The following PNMA8A variants were observed in gnomAD, a reference collection of about 807,000 sequenced individuals.
PNMA8A encodes the protein PNMA family member 8A.
Under a neutral mutation model 26.6 loss-of-function variants are expected in PNMA8A, and 17 were observed. The ratio of observed to expected loss-of-function variants is 0.64; its 90% confidence interval spans 0.44 to 0.96. The LOEUF is 0.96. PNMA8A is among the 40% of genes least tolerant of loss of function. PNMA8A has a pLI of 0.00. For missense variants in PNMA8A, 532 were observed against 488.4 expected (o/e 1.09, Z -0.84); for synonymous variants, 224 against 182.0 (o/e 1.23, Z -1.86).
rs1479027099 is a variant in PNMA8A, at chr19:46,470,782, T to C, written c.254A>G (p.Glu85Gly). 1.3e-5 allele frequency: 10 copies of C among 784,620 alleles called. No homozygotes were observed. The highest frequency in any genetic ancestry group is 8.5e-5 in the Admixed American group (5 of 59,012). The allele number at this position is 784,620 out of a possible 1,614,324, so 48.6% of individuals were successfully genotyped here. ...CCAGACACCACCCCTTCCTGGGAAT[T>C]CACGGGGGATGGTGCTCAGATTCAC... ...EGVNLSTIPREFPGRGGVWRV... is the reference protein window; with the variant it reads ...EGVNLSTIPRGFPGRGGVWRV... The change falls in exon 2 of 3, where the codon GAA (glutamate) becomes GGA (glycine). Residue 85 changes from glutamate (E) to glycine (G), a missense_variant. Coordinates refer to ENST00000313683, the MANE Select transcript of PNMA8A (RefSeq NM_018215.4).
chr19:46,471,254 T>C, intron 1 of PNMA8A, 83 bp downstream of exon 1: 1 of 481,766 alleles, frequency 2.1e-6, no homozygotes, highest in Non-Finnish European at 3.7e-6. Context: ...GCCCCGGTGC[T>C]CACACGTGTC....
rs1383544508 is a variant in PNMA8A at position 46,469,834 on chromosome 19, T to A, written c.1202A>T (p.Asp401Val). The A allele has an allele frequency of 6.2e-7, 1 of 1,614,254 alleles. No homozygotes were observed. Among genetic ancestry groups the A allele is most frequent in the Non-Finnish European group, 8.5e-7 (1 of 1,180,042 alleles). ...CTGCTGGCCCCGAGGGGCCTTCTGA[T>A]CTGATGCCTCCCTTCTTGAGCCTGG... ...KGPGSRREASDQKAPRGQQPA... is the reference protein window; with the variant it reads ...KGPGSRREASVQKAPRGQQPA... Residue 401 changes from aspartate (D) to valine (V), a missense_variant, in exon 2 of 3, where the codon GAT becomes GTT. Asp to Val is a radical substitution (Grantham distance 152). Coordinates refer to ENST00000313683, the MANE Select transcript of PNMA8A (RefSeq NM_018215.4).
Position 46,470,663 on chromosome 19 carries a change from C to G in PNMA8A, c.373G>C (p.Val125Leu). 2 of 1,404,138 alleles carry G rather than the reference C, an allele frequency of 1.4e-6. No homozygotes were observed. Among genetic ancestry groups the G allele is most frequent in the Non-Finnish European group, 2.0e-6 (2 of 988,130 alleles). 87.0% of individuals were successfully genotyped at this position (1,404,138 alleles called of 1,614,324 possible). ...GGGTGGTTGAGCTGGAGCAGGCGGA[C>G]CACATCCTCCCAGGTGCGCCCCTCG... ...DAEGRTWEDV[V>L]RLLQLNHPTL... The change falls in exon 2 of 3, where the codon GTC becomes CTC. Residue 125 changes from valine (V) to leucine (L), a missense_variant. Physicochemically the swap from Val to Leu is conservative, Grantham distance 32 (BLOSUM62 1). Coordinates refer to ENST00000313683, the MANE Select transcript of PNMA8A (RefSeq NM_018215.4).
rs1969729587 is a variant in PNMA8A, at chr19:46,467,872, C to G, written c.*689G>C. On this transcript the variant is annotated 3_prime_UTR_variant, in exon 3 of 3. Coordinates refer to ENST00000313683, the MANE Select transcript of PNMA8A (RefSeq NM_018215.4). ...TGCGTCCTTCCCTATAATCACCCCC[C>G]TTCCCCACAGGATTCCTGAGAGGGC... 6.6e-6 allele frequency: 1 copy of G among 152,288 alleles called. No homozygotes were observed. The highest frequency in any genetic ancestry group is 2.4e-5 in the African/African-American group (1 of 41,470). 9.4% of individuals were successfully genotyped at this position (152,288 alleles called of 1,614,324 possible).
rs1446086456 is a variant in PNMA8A at position 46,470,147 on chromosome 19, T to A, written c.889A>T (p.Asn297Tyr). 2 of 1,613,030 alleles carry A rather than the reference T, an allele frequency of 1.2e-6. No homozygotes were observed. The highest frequency in any genetic ancestry group is 2.2e-5 in the East Asian group (1 of 44,856). ...PIKGSRKPCV[N>Y]KEELALKKPM... ...TTCTTCAAAGCCAACTCCTCCTTATTCACACAGGGCTTTCTGCTGCCCTTG... is the reference window on the plus strand; with the variant it reads ...TTCTTCAAAGCCAACTCCTCCTTATACACACAGGGCTTTCTGCTGCCCTTG... Residue 297 changes from asparagine to tyrosine, a missense_variant, in exon 2 of 3, where the codon AAT (asparagine) becomes TAT (tyrosine). Transcript: ENST00000313683.
rs1322022492 is a variant in PNMA8A at position 46,470,792 on chromosome 19, T to C, written c.244A>G (p.Ile82Val). 3.8e-6 allele frequency: 3 copies of C among 783,406 alleles called. No homozygotes were observed. Among genetic ancestry groups the C allele is most frequent in the African/African-American group, 3.4e-5 (2 of 59,194 alleles). 48.5% of individuals were successfully genotyped at this position (783,406 alleles called of 1,614,324 possible). ...CCCCTTCCTGGGAATTCACGGGGGA[T>C]GGTGCTCAGATTCACACCTTCACCA... ...EVGEGVNLST[I>V]PREFPGRGGV... The change falls in exon 2 of 3, where the codon ATC (isoleucine) becomes GTC (valine). Residue 82 changes from isoleucine to valine, a missense_variant. Physicochemically the swap from Ile to Val is conservative, Grantham distance 29 (BLOSUM62 3). Transcript: ENST00000313683.
At position 46,468,310 on chromosome 19, in the gene PNMA8A, C is replaced by A; in HGVS notation, c.*251G>T. 2.0e-6 allele frequency: 1 copy of A among 488,144 alleles called. No individual in the cohort carries two copies. Among genetic ancestry groups the A allele is most frequent in the South Asian group, 4.7e-5 (1 of 21,358 alleles). 30.2% of individuals were successfully genotyped at this position (488,144 alleles called of 1,614,324 possible). A position where few individuals can be genotyped will look rare whatever the true frequency, so the allele number is the denominator to read the frequency against. On this transcript the variant is annotated 3_prime_UTR_variant, in exon 3 of 3. Coordinates refer to ENST00000313683, the MANE Select transcript of PNMA8A (RefSeq NM_018215.4). ...CCCAATCCTCTTACCAACTCTCCTG[C>A]CTCCGAAGAGAAGGTGAGTAGAGAA...
chr19:46,470,173 A>T lies in PNMA8A; in HGVS notation c.863T>A (p.Ile288Asn). Residue 288 changes from isoleucine to asparagine, a missense_variant, in exon 2 of 3, where the codon ATC becomes AAC. Physicochemically the swap from Ile to Asn is moderately radical, Grantham distance 149 (BLOSUM62 -3). Transcript: ENST00000313683. ...DAESMAISEP[I>N]KGSRKPCVNK... ...CACACAGGGCTTTCTGCTGCCCTTGATCGGCTCTGAGATCGCCATGCTTTC... is the reference window on the plus strand; with the variant it reads ...CACACAGGGCTTTCTGCTGCCCTTGTTCGGCTCTGAGATCGCCATGCTTTC... 1.2e-6 allele frequency: 2 copies of T among 1,614,142 alleles called. No homozygotes were observed. Among genetic ancestry groups the T allele is most frequent in the Non-Finnish European group, 1.7e-6 (2 of 1,180,032 alleles).
chr19:46,467,071 T>C lies in PNMA8A; in HGVS notation c.*1490A>G, dbSNP rs953897736. The C allele has an allele frequency of 5.9e-5, 9 of 152,146 alleles. No individual in the cohort carries two copies. The highest frequency in any genetic ancestry group is 1.0e-4 in the Non-Finnish European group (7 of 68,030). 9.4% of individuals were successfully genotyped at this position (152,146 alleles called of 1,614,324 possible). A position where few individuals can be genotyped will look rare whatever the true frequency, so the allele number is the denominator to read the frequency against. The stretch of plus-strand genomic sequence containing the variant: ...TTCCACTTCTAACCTCGCTCATCAG[T>C]CACATTTACAAGAAACTCAATTTTA... On this transcript the variant is annotated 3_prime_UTR_variant, in exon 3 of 3. Transcript: ENST00000313683.
In PNMA8A at chr19:46,470,872, A is replaced by G; in HGVS notation, c.164T>C (p.Val55Ala). The G allele has an allele frequency of 1.3e-6, 1 of 781,046 alleles. No homozygotes were observed. Among genetic ancestry groups the G allele is most frequent in the Non-Finnish European group, 2.4e-6 (1 of 418,166 alleles). 48.4% of individuals were successfully genotyped at this position (781,046 alleles called of 1,614,324 possible). A position where few individuals can be genotyped will look rare whatever the true frequency, so the allele number is the denominator to read the frequency against. ...TTCCCTCACAAAAATCTTGTTGAGC[A>G]CGCGGTACGGGCCCAGTGGGGAGAG... Reference protein sequence around the residue: ...GVLSPLGPYRVLNKIFVREEN... With the variant: ...GVLSPLGPYRALNKIFVREEN... The change falls in exon 2 of 3, where the codon GTG becomes GCG. Residue 55 changes from valine (V) to alanine (A), a missense_variant. By Grantham distance (64) the Val-to-Ala change is moderately conservative. Coordinates refer to ENST00000313683, the MANE Select transcript of PNMA8A (RefSeq NM_018215.4).
chr19:46,470,116 A>G lies in PNMA8A; in HGVS notation c.920T>C (p.Met307Thr). ...NKEELALKKP[M>T]AKCAWKGPRE... is the part of the protein sequence containing the mutation. ...GGGACCCTTCCAGGCACATTTCGCC[A>G]TGGGCTTCTTCAAAGCCAACTCCTC... Residue 307 changes from methionine (M) to threonine (T), a missense_variant, in exon 2 of 3, where the codon ATG becomes ACG. Transcript: ENST00000313683. 1 of 1,606,926 alleles carries G rather than the reference A, an allele frequency of 6.2e-7. No individual in the cohort carries two copies. The highest frequency in any genetic ancestry group is 8.5e-7 in the Non-Finnish European group (1 of 1,177,036).
Position 46,470,057 on chromosome 19 carries a change from C to T in PNMA8A, c.979G>A (p.Glu327Lys), listed in dbSNP as rs146703714. ...GACTCAGAGGCGCCTCCTGGGCTCT[C>T]GGCTTCTGCCCGGGCATCCTGAGGT... is the stretch of plus-strand genomic sequence containing the variant. ...EPPQDARAEAESPGGASESDQ... is the reference protein window; with the variant it reads ...EPPQDARAEAKSPGGASESDQ... Residue 327 changes from glutamate (E) to lysine (K), a missense_variant, in exon 2 of 3, where the codon GAG (glutamate) becomes AAG (lysine). By Grantham distance (56) the Glu-to-Lys change is moderately conservative. Transcript: ENST00000313683. 356 of 1,591,904 alleles carry T rather than the reference C, an allele frequency of 2.2e-4. No individual in the cohort carries two copies. The highest frequency in any genetic ancestry group is 2.9e-4 in the Non-Finnish European group (334 of 1,171,754).
At position 46,470,493 on chromosome 19, in the gene PNMA8A, T is replaced by C; in HGVS notation, c.543A>G (p.Glu181=). The C allele has an allele frequency of 6.2e-7, 1 of 1,613,770 alleles. No individual in the cohort carries two copies. The highest frequency in any genetic ancestry group is 1.1e-5 in the South Asian group (1 of 91,064). Residue 181 remains glutamate, a synonymous_variant, in exon 2 of 3, where the codon GAA becomes GAG. Transcript: ENST00000313683. ...AAGCCCAGGCTGCCATCTCCTCGAA[T>C]TCAGCGGCCTCCTGGGCCCTGGCTT... ...REEARAQEAA[E]FEEMAAWALA...
At position 46,467,361 on chromosome 19, in the gene PNMA8A, A is replaced by G. The variant is rs1156514867; in HGVS notation, c.*1200T>C. 6.7e-6 allele frequency: 1 copy of G among 148,280 alleles called. No individual in the cohort carries two copies. Among genetic ancestry groups the G allele is most frequent in the South Asian group, 2.1e-4 (1 of 4,664 alleles). 9.2% of individuals were successfully genotyped at this position (148,280 alleles called of 1,614,324 possible). A position where few individuals can be genotyped will look rare whatever the true frequency, so the allele number is the denominator to read the frequency against. ...CACACACACACACACACAATGACAC[A>G]TGGTGGTCTGGTCTAATATAGTGTG... On this transcript the variant is annotated 3_prime_UTR_variant, in exon 3 of 3. Coordinates refer to ENST00000313683, the MANE Select transcript of PNMA8A (RefSeq NM_018215.4).
At position 46,470,631 on chromosome 19, in the gene PNMA8A, C is replaced by G. The variant is rs1313871031; in HGVS notation, c.405G>C (p.Leu135=). 1 of 1,595,910 alleles carries G rather than the reference C, an allele frequency of 6.3e-7. No homozygotes were observed. ...VRLLQLNHPT[L]SQNQHQPPEN... is the part of the protein sequence containing the mutation. ...CTGGGGGCTGATGCTGGTTCTGGGA[C>G]AGGGTGGGGTGGTTGAGCTGGAGCA... is the stretch of plus-strand genomic sequence containing the variant. Residue 135 remains leucine (L), a synonymous_variant, in exon 2 of 3, where the codon CTG becomes CTC. Coordinates refer to ENST00000313683, the MANE Select transcript of PNMA8A (RefSeq NM_018215.4).
At chr19:46,469,048 C>G (rs1451225699) in intron 2 of PNMA8A, among the ~76,000 whole-genome samples, 3 of 151,682 alleles carry the variant, frequency 2.0e-5, no homozygotes, top group African/African-American at 7.3e-5. Context: ...GTTGGCCAGG[C>G]TGGTCTCGAA....
At position 46,467,239 on chromosome 19, in the gene PNMA8A, T is replaced by C. The variant is rs183675969; in HGVS notation, c.*1322A>G. On this transcript the variant is annotated 3_prime_UTR_variant, in exon 3 of 3. Coordinates refer to ENST00000313683, the MANE Select transcript of PNMA8A (RefSeq NM_018215.4). ...CAGTTTTTTAAACACGTGAGAAAAA[T>C]AGATTTGGATTACATCTTTGTGGAC... The C allele has an allele frequency of 1.3e-5, 2 of 152,160 alleles. No homozygotes were observed. Among genetic ancestry groups the C allele is most frequent in the African/African-American group, 4.8e-5 (2 of 41,482 alleles). The allele number at this position is 152,160 out of a possible 1,614,324, so 9.4% of individuals were successfully genotyped here.
At position 46,469,749 on chromosome 19, in the gene PNMA8A, A is replaced by C; in HGVS notation, c.1287T>G (p.Pro429=). 1 of 1,608,416 alleles carries C rather than the reference A, an allele frequency of 6.2e-7. No individual in the cohort carries two copies. Among genetic ancestry groups the C allele is most frequent in the East Asian group, 2.2e-5 (1 of 44,814 alleles). Residue 429 remains proline (P), a synonymous_variant, in exon 2 of 3, where the codon CCT becomes CCG. Transcript: ENST00000313683. ...CATTCTCACCATTGGTGGCACGCCGAGGAGAGCCTTCTGGCTTGGCCTTCG... is the reference window on the plus strand; with the variant it reads ...CATTCTCACCATTGGTGGCACGCCGCGGAGAGCCTTCTGGCTTGGCCTTCG... ...RGPKAKPEGS[P]RRATNESRKV
rs748197265 is a variant in PNMA8A at position 46,470,168 on chromosome 19, C to T, written c.868G>A (p.Gly290Ser). The change falls in exon 2 of 3, where the codon GGC becomes AGC. Residue 290 changes from glycine to serine, a missense_variant. Physicochemically the swap from Gly to Ser is moderately conservative, Grantham distance 56. Transcript: ENST00000313683. ...ESMAISEPIK[G>S]SRKPCVNKEE... ...TTATTCACACAGGGCTTTCTGCTGC[C>T]CTTGATCGGCTCTGAGATCGCCATG... The T allele has an allele frequency of 1.9e-6, 3 of 1,614,036 alleles. No individual in the cohort carries two copies. In the African/African-American group the frequency reaches 4.0e-5, roughly 22 times the overall value.
Sources: allele counts gnomAD v4.1 joint callset (sites outside exome capture counted in the v4.1 genomes callset), GRCh38; gene constraint gnomAD v4.1.1; transcripts MANE v1.5; gene names NCBI Gene and HGNC (gene_info 2026-07-23, HGNC 2026-07-21).